SATL1: variants seen among roughly 807,000 people sequenced by gnomAD.
SATL1 encodes the protein spermidine/spermine N(1)-acetyltransferase-like protein 1.
A neutral mutation model predicts 51.8 loss-of-function variants in SATL1; 47 were observed. That is an observed-to-expected ratio of 0.91 (90% CI 0.72 to 1.16). The LOEUF (loss-of-function observed/expected upper bound fraction) is 1.16. Ranked by LOEUF, SATL1 falls within the 50% of genes most tolerant of loss-of-function variation. The pLI is 0.00. For missense variants in SATL1, 520 were observed against 526.4 expected, an observed-to-expected ratio of 0.99 and a Z score of 0.12; for synonymous variants, 176 against 182.4, an observed-to-expected ratio of 0.97 and a Z score of 0.28.
chrX:85,142,696 A>C (rs1221180272), intron 2 of SATL1: 1 of 111,824 alleles, frequency 8.9e-6, no homozygotes, highest in Non-Finnish European at 1.9e-5. Flanking sequence ...TAGCTTGTCA[A>C]GGTGACTTAG....
intron 2 of SATL1, chrX:85,210,295 A>C (rs1460409864): frequency 9.4e-6 from 1 of 106,376 alleles, no homozygotes; most frequent in South Asian, 4.2e-4. Context: ...CTACTTTATA[A>C]TTTTCTACTC....
At chrX:85,118,358 G>C (rs1384813575) in intron 2 of SATL1, 4 of 110,131 alleles carry the variant, frequency 3.6e-5, no homozygotes, top group African/African-American at 1.3e-4. Context: ...TCTTGTATTT[G>C]CGGTAGTGCA....
At chrX:85,236,579 G>T (rs1333911780) in intron 1 of SATL1, among the ~76,000 whole-genome samples, 2 of 111,096 alleles carry the variant, frequency 1.8e-5, no homozygotes, top group African/African-American at 6.5e-5. Context: ...CAGAATGTAG[G>T]ACAAAAAACA....
intron 2 of SATL1, among the ~76,000 whole-genome samples, chrX:85,220,417 G>T (rs377278053): frequency 8.1e-4 from 88 of 108,157 alleles, no homozygotes; most frequent in African/African-American, 2.3e-3. Context: ...AGACATCAGT[G>T]GGAGCAGCTA....
At chrX:85,129,471 GC>G (rs1212776020) in intron 2 of SATL1, among the ~76,000 whole-genome samples, 1 of 111,750 alleles carries the variant, frequency 8.9e-6, no homozygotes, top group Non-Finnish European at 1.9e-5. Flanking sequence ...GTATAAGAAT[GC>G]TTGTGATTTT....
Position 85,166,915 on chromosome X carries a change from G to GTATATATA in SATL1, c.-313+57282_-313+57289dup, listed in dbSNP as rs749160963. Among the ~76,000 whole-genome samples, 17 of 84,211 alleles carry GTATATATA rather than the reference G, an allele frequency of 2.0e-4. No homozygotes were observed. In the South Asian group the frequency reaches 2.5e-3, roughly 12 times the overall value. The allele number at this position is 84,211 out of a possible 115,157, so 73.1% of individuals were successfully genotyped here. On this transcript the variant is annotated intron_variant, in intron 2 of 7. Coordinates refer to ENST00000644105, the MANE Select transcript of SATL1 (RefSeq NM_001367857.2). ...CCAATAAGTGAATAAAGAAAATGGG[G>GTATATATA]TATATATATATATATATATATGTGT...
chrX:85,092,916 T>G lies in SATL1; in HGVS notation c.1917+269A>C, dbSNP rs183882467. On this transcript the variant is annotated intron_variant, in intron 7 of 7. Coordinates refer to ENST00000644105, the MANE Select transcript of SATL1 (RefSeq NM_001367857.2). ...CCTGTGTTTTTGAATAAAAATGCTT[T>G]CTAATCTCCCTCCTTCTTACTTTCC... 23 of 325,498 alleles carry G rather than the reference T, an allele frequency of 7.1e-5. No individual in the cohort carries two copies. In the Admixed American group the frequency reaches 1.1e-3, roughly 16 times the overall value. 26.8% of individuals were successfully genotyped at this position (325,498 alleles called of 1,213,427 possible).
intron 2 of SATL1, among the ~76,000 whole-genome samples, chrX:85,142,192 C>T (rs1281093666): frequency 3.8e-5 from 4 of 105,989 alleles, no homozygotes; most frequent in African/African-American, 1.4e-4. Context: ...GTTAGGAGAT[C>T]GAGACCATCC....
At chrX:85,152,770 G>T (rs1389094936) in intron 2 of SATL1, among the ~76,000 whole-genome samples, 1 of 109,808 alleles carries the variant, frequency 9.1e-6, no homozygotes, top group African/African-American at 3.3e-5. Flanking sequence ...TGAACAATGA[G>T]AACACATGGA....
chrX:85,208,777 T>A (rs1001420846), intron 2 of SATL1: 1 of 111,964 alleles, frequency 8.9e-6, no homozygotes, highest in Admixed American at 9.5e-5. Flanking sequence ...GTTTGAGTTC[T>A]TTGTAGATTC....
At chrX:85,181,419 T>A (rs966646317) in intron 2 of SATL1, among the ~76,000 whole-genome samples, 1 of 109,776 alleles carries the variant, frequency 9.1e-6, no homozygotes, top group African/African-American at 3.3e-5. Flanking sequence ...AACCTAGTAT[T>A]TCAGTTTTAT....
chrX:85,185,337 G>A (rs186955579), intron 2 of SATL1, among the ~76,000 whole-genome samples: 4 of 112,581 alleles, frequency 3.6e-5, no homozygotes, highest in Admixed American at 1.9e-4. Context: ...TGGCAAGTGC[G>A]TATTTTCACT....
intron 1 of SATL1, among the ~76,000 whole-genome samples, chrX:85,228,558 C>G (rs1928321029): frequency 9.0e-6 from 1 of 111,205 alleles, no homozygotes; most frequent in South Asian, 3.7e-4. Context: ...GAACTCATTA[C>G]AACTAGGCTT....
At chrX:85,228,991 A>G (rs1928328614) in intron 1 of SATL1, among the ~76,000 whole-genome samples, 1 of 111,613 alleles carries the variant, frequency 9.0e-6, no homozygotes, top group Admixed American at 9.5e-5. Context: ...AGACTTCCCC[A>G]TTTCAGATGG....
At chrX:85,205,241 TATC>T (rs2147752569) in intron 2 of SATL1, among the ~76,000 whole-genome samples, 1 of 112,353 alleles carries the variant, frequency 8.9e-6, no homozygotes, top group East Asian at 2.8e-4. Flanking sequence ...GTTCAGTAGA[TATC>T]ATTCATTGAT....
intron 2 of SATL1, among the ~76,000 whole-genome samples, chrX:85,214,070 C>T (rs1175948738): frequency 8.9e-6 from 1 of 112,050 alleles, no homozygotes. Context: ...TATAAAAACA[C>T]ATACTTATTA....
intron 2 of SATL1, among the ~76,000 whole-genome samples, chrX:85,213,350 GAC>G (rs1927969414): frequency 8.9e-6 from 1 of 112,000 alleles, no homozygotes; most frequent in Non-Finnish European, 1.9e-5. Context: ...CTAGCTATAA[GAC>G]ATGTTAACAA....
chrX:85,095,696 C>G (rs750422395), intron 4 of SATL1, among the ~76,000 whole-genome samples: 8 of 104,596 alleles, frequency 7.6e-5, no homozygotes, highest in Non-Finnish European at 1.4e-4. Flanking sequence ...CGTAGTGGCG[C>G]GCGCCTGTAG....
At chrX:85,115,603 T>C (rs1925366990) in intron 2 of SATL1, among the ~76,000 whole-genome samples, 1 of 112,231 alleles carries the variant, frequency 8.9e-6, no homozygotes, top group Non-Finnish European at 1.9e-5. Flanking sequence ...ACAGGGAATG[T>C]GTGTTTAAGA....
Sources: gnomAD v4.1 joint callset for allele counts (sites outside exome capture counted in the v4.1 genomes callset) on GRCh38, gnomAD v4.1.1 for gene constraint, MANE v1.5 for transcripts, NCBI Gene and HGNC (gene_info 2026-07-23, HGNC 2026-07-21) for gene names.